The following RYR2 variants were observed in gnomAD, a reference collection of about 807,000 sequenced individuals.
RYR2 encodes cardiac muscle ryanodine receptor-calcium release channel.
In RYR2, 227 loss-of-function variants were observed where a neutral mutation model predicts 601.1. That is an observed-to-expected ratio of 0.38 (90% CI 0.34 to 0.42). RYR2 has a LOEUF of 0.42. Among genes scored for constraint, RYR2 ranks in the 10% least tolerant of loss-of-function variants. The probability of loss-of-function intolerance (pLI) is 1.00; values close to 1 mark genes in which losing one functional copy is unlikely to be tolerated. For missense variants in RYR2, 4,646 were observed against 6,156.5 expected, an observed-to-expected ratio of 0.75 and a Z score of 8.21; for synonymous variants, 2,223 against 2,175.1, an observed-to-expected ratio of 1.02 and a Z score of -0.61.
At chr1:237,173,784 C>T (rs1558366716) in intron 1 of RYR2, among the ~76,000 whole-genome samples, 1 of 152,130 alleles carries the variant, frequency 6.6e-6, no homozygotes, top group Non-Finnish European at 1.5e-5. Flanking sequence ...TGGCCGGGCG[C>T]GGTGGCTCAC....
At chr1:237,136,980 G>A (rs1178346011) in intron 1 of RYR2, among the ~76,000 whole-genome samples, 5 of 136,494 alleles carry the variant, frequency 3.7e-5, no homozygotes, top group African/African-American at 1.4e-4. Context: ...TCATGCCACT[G>A]CACTCCAGCC....
intron 2 of RYR2, among the ~76,000 whole-genome samples, chr1:237,289,887 AT>A (rs763865384): frequency 6.6e-6 from 1 of 152,182 alleles, no homozygotes; most frequent in Non-Finnish European, 1.5e-5. Context: ...GCATAAAACT[AT>A]TTTAGTTGCA....
chr1:237,061,276 C>CATCTATCATCTATCATCT (rs1553275502), intron 1 of RYR2, among the ~76,000 whole-genome samples: 2 of 98,800 alleles, frequency 2.0e-5, no homozygotes, highest in African/African-American at 6.9e-5. Flanking sequence ...ATCCATCTAT[C>CATCTATCATCTATCATCT]ATCTATCTAT....
intron 2 of RYR2, among the ~76,000 whole-genome samples, chr1:237,280,527 A>G (rs1023399134): frequency 6.6e-6 from 1 of 152,166 alleles, no homozygotes; most frequent in Non-Finnish European, 1.5e-5. Flanking sequence ...CAGTTATATA[A>G]TATTTATTTC....
Position 237,106,438 on chromosome 1 carries a change from G to A in RYR2, c.48+63869G>A, listed in dbSNP as rs1668693446. ...ATGAGGGTTGAGAGAGAGAAGGGGAGTCCGGATCATCCCAAGGTTTCTGGC... is the reference window on the plus strand; with the variant it reads ...ATGAGGGTTGAGAGAGAGAAGGGGAATCCGGATCATCCCAAGGTTTCTGGC... On this transcript the variant is annotated intron_variant, in intron 1 of 104. Transcript: ENST00000366574. The surrounding 1 kb of genome is among the most constrained non-coding windows in gnomAD (Gnocchi z 4.4). 2.0e-5 allele frequency among the ~76,000 whole-genome samples: 3 copies of A among 152,270 alleles called. No individual in the cohort carries two copies. Among genetic ancestry groups the A allele is most frequent in the Non-Finnish European group, 4.4e-5 (3 of 68,036 alleles).
At chr1:237,755,016 A>T in intron 80 of RYR2, 1 of 1,153,586 alleles carries the variant, frequency 8.7e-7, no homozygotes, top group Non-Finnish European at 1.1e-6. Context: ...AGGAGCGCTA[A>T]CTATAGTGTG....
chr1:237,570,340 T>G (rs947745730), intron 29 of RYR2, among the ~76,000 whole-genome samples: 31 of 24,578 alleles, frequency 1.3e-3, no homozygotes, highest in African/African-American at 2.4e-3. Context: ...TAGTTTGAAT[T>G]TTTTTTTTTT....
intron 98 of RYR2, among the ~76,000 whole-genome samples, chr1:237,804,709 A>G (rs1465805966): frequency 6.6e-6 from 1 of 152,174 alleles, no homozygotes; most frequent in East Asian, 1.9e-4. Context: ...GTGACGTCAC[A>G]TGGTATTTGG....
intron 4 of RYR2, among the ~76,000 whole-genome samples, chr1:237,358,643 A>T (rs1699508204): frequency 6.6e-6 from 1 of 151,670 alleles, no homozygotes; most frequent in South Asian, 2.1e-4. Flanking sequence ...GTGGCCTCTG[A>T]GACAATCCCA....
chr1:237,070,038 T>TTG (rs1437272837), intron 1 of RYR2, among the ~76,000 whole-genome samples: 1 of 150,600 alleles, frequency 6.6e-6, no homozygotes, highest in East Asian at 2.0e-4. Flanking sequence ...TAACTTTTTT[T>TTG]TTTTTTTTTG....
At chr1:237,772,392 T>C (rs2149315794) in intron 86 of RYR2, among the ~76,000 whole-genome samples, 1 of 152,332 alleles carries the variant, frequency 6.6e-6, no homozygotes, top group East Asian at 1.9e-4. Flanking sequence ...ACTTTTATAC[T>C]CTGCTCCTTC....
At chr1:237,253,999 TAGATA>T (rs1687717776) in intron 1 of RYR2, among the ~76,000 whole-genome samples, 1 of 152,208 alleles carries the variant, frequency 6.6e-6, no homozygotes, top group South Asian at 2.1e-4. Flanking sequence ...TATGAACTGA[TAGATA>T]AATGTTATGT....
At position 237,828,359 on chromosome 1, in the gene RYR2, T is replaced by C. The variant is rs371669721; in HGVS notation, c.14591-22T>C. 64 of 1,497,980 alleles carry C rather than the reference T, an allele frequency of 4.3e-5. No homozygotes were observed. In the African/African-American group the frequency reaches 5.7e-4, roughly 13 times the overall value. 92.8% of individuals were successfully genotyped at this position (1,497,980 alleles called of 1,614,324 possible). ...TATTCATTGCTTGATAAAGATTAAA[T>C]TGTGTTTTTATTTAACACCAGGTCT... is the stretch of plus-strand genomic sequence containing the variant. On this transcript the variant is annotated intron_variant, in intron 101 of 104. Transcript: ENST00000366574.
intron 3 of RYR2, among the ~76,000 whole-genome samples, chr1:237,351,052 G>A (rs1698799912): frequency 6.6e-6 from 1 of 152,092 alleles, no homozygotes; most frequent in African/African-American, 2.4e-5. Flanking sequence ...AAATAAGAGT[G>A]TATTCCTTTC....
intron 10 of RYR2, among the ~76,000 whole-genome samples, chr1:237,389,953 G>A (rs1702243739): frequency 6.6e-6 from 1 of 152,148 alleles, no homozygotes; most frequent in African/African-American, 2.4e-5. Context: ...GCCTTATGAA[G>A]GCTGTAAAGA....
At chr1:237,785,888 A>T in intron 90 of RYR2, 81 bp from the exon 91 acceptor site, 1 of 969,566 alleles carries the variant, frequency 1.0e-6, no homozygotes, top group Non-Finnish European at 1.6e-6. Flanking sequence ...TTATGGTTTG[A>T]CACATGGTCA....
intron 10 of RYR2, among the ~76,000 whole-genome samples, chr1:237,404,550 C>A (rs927575008): frequency 2.8e-4 from 42 of 151,970 alleles, no homozygotes; most frequent in African/African-American, 9.7e-4. Flanking sequence ...TTAAGAAGAC[C>A]AAATTCTGAT....
At chr1:237,604,498 C>T (rs190367738) in intron 35 of RYR2, among the ~76,000 whole-genome samples, 13 of 152,214 alleles carry the variant, frequency 8.5e-5, no homozygotes, top group Admixed American at 4.6e-4. Flanking sequence ...ACCCTAACAT[C>T]GCAATTCAAA....
chr1:237,593,751 T>A, intron 33 of RYR2, 115 bp downstream of exon 33: 2 of 1,085,976 alleles, frequency 1.8e-6, no homozygotes, highest in Non-Finnish European at 2.6e-6. Flanking sequence ...AGGAAGAATA[T>A]AATCAAGCCA....
Sources: allele counts gnomAD v4.1 joint callset (sites outside exome capture counted in the v4.1 genomes callset), GRCh38; gene constraint gnomAD v4.1.1; non-coding constraint Gnocchi (gnomAD v3.1); transcripts MANE v1.5; gene names NCBI Gene and HGNC (gene_info 2026-07-23, HGNC 2026-07-21).